The following SORL1 variants were observed in gnomAD, a reference collection of about 807,000 sequenced individuals.
SORL1 encodes sortilin related receptor 1.
A neutral mutation model predicts 273.7 loss-of-function variants in SORL1; 127 were observed. That is an observed-to-expected ratio of 0.46 (90% CI 0.40 to 0.54). The LOEUF is 0.54. Ranked by LOEUF, SORL1 falls within the 20% of genes least tolerant of loss-of-function variation. The pLI is 0.00. For synonymous variants in SORL1, 1,031 were observed against 1,067.4 expected, an observed-to-expected ratio of 0.97 and a Z score of 0.66; for missense variants, 2,494 against 2,846.1, an observed-to-expected ratio of 0.88 and a Z score of 2.81.
At chr11:121,477,228 A>G (rs1385154287) in intron 2 of SORL1, among the ~76,000 whole-genome samples, 5 of 152,230 alleles carry the variant, frequency 3.3e-5, no homozygotes. Context: ...TCTCACAGGT[A>G]GGTACATCTC....
intron 11 of SORL1, among the ~76,000 whole-genome samples, chr11:121,531,720 G>T (rs1432109629): frequency 6.6e-6 from 1 of 152,170 alleles, no homozygotes. Context: ...TTTCATGCAC[G>T]TACACTTCAG....
At position 121,614,975 on chromosome 11, in the gene SORL1, C is replaced by T. The variant is rs755862038; in HGVS notation, c.5524C>T (p.Arg1842Cys). Reference protein sequence around the residue: ...AFEHVMTRGVRPPAPSLKAKA... With the variant: ...AFEHVMTRGVCPPAPSLKAKA... ...TGAGCATGTTATGACCAGAGGGGTT[C>T]GCCCACCTGCACCTAGCCTCAAGGC... is the stretch of plus-strand genomic sequence containing the variant. Residue 1842 changes from arginine (R) to cysteine (C), a missense_variant, in exon 41 of 48, where the codon CGC (arginine) becomes TGC (cysteine). Arg to Cys is a radical substitution (Grantham distance 180). Coordinates refer to ENST00000260197, the MANE Select transcript of SORL1 (RefSeq NM_003105.6). 17 of 1,613,526 alleles carry T rather than the reference C, an allele frequency of 1.1e-5. No individual in the cohort carries two copies. The highest frequency in any genetic ancestry group is 6.7e-5 in the East Asian group (3 of 44,868).
intron 4 of SORL1, among the ~76,000 whole-genome samples, chr11:121,488,800 A>G (rs1403780602): frequency 6.6e-6 from 1 of 152,250 alleles, no homozygotes; most frequent in African/African-American, 2.4e-5. Context: ...TTAGTTTGGC[A>G]AAAATCTGTG....
At chr11:121,501,707 A>C (rs1250768369) in intron 6 of SORL1, among the ~76,000 whole-genome samples, 1 of 152,144 alleles carries the variant, frequency 6.6e-6, no homozygotes, top group African/African-American at 2.4e-5. Context: ...CATTATCATG[A>C]GAACAGCACA....
intron 5 of SORL1, among the ~76,000 whole-genome samples, chr11:121,494,883 A>C (rs1861605105): frequency 6.6e-6 from 1 of 152,184 alleles, no homozygotes; most frequent in South Asian, 2.1e-4. Context: ...CTCTGGCTAG[A>C]GGAAGTACTT....
At chr11:121,503,936 G>A (rs1471270045) in intron 6 of SORL1, among the ~76,000 whole-genome samples, 2 of 152,212 alleles carry the variant, frequency 1.3e-5, no homozygotes, top group African/African-American at 4.8e-5. Flanking sequence ...AAAAACCACA[G>A]ATAGGATTTT....
chr11:121,466,996 T>C (rs554204925), intron 1 of SORL1, among the ~76,000 whole-genome samples: 20 of 151,868 alleles, frequency 1.3e-4, no homozygotes, highest in Middle Eastern at 6.9e-3. Context: ...ACAGGTGTTT[T>C]ACCAGGCTTG....
chr11:121,519,438 C>T lies in SORL1; in HGVS notation c.1212-1219C>T, dbSNP rs369558402. Among the ~76,000 whole-genome samples, 22 of 151,380 alleles carry T rather than the reference C, an allele frequency of 1.5e-4. No individual in the cohort carries two copies. In the East Asian group the frequency reaches 2.0e-3, roughly 13 times the overall value. On this transcript the variant is annotated intron_variant, in intron 8 of 47. Coordinates refer to ENST00000260197, the MANE Select transcript of SORL1 (RefSeq NM_003105.6). ...TTTTTTTTTTTTTGAGACGGAGTCTCGCTCTGTCGCCCAGGCTGGTTGGAG... is the reference window on the plus strand; with the variant it reads ...TTTTTTTTTTTTTGAGACGGAGTCTTGCTCTGTCGCCCAGGCTGGTTGGAG...
At chr11:121,456,111 CTG>C (rs1367788901) in intron 1 of SORL1, among the ~76,000 whole-genome samples, 1 of 152,116 alleles carries the variant, frequency 6.6e-6, no homozygotes, top group Non-Finnish European at 1.5e-5. Context: ...CTCATAAGCT[CTG>C]TCTGTCTGCG....
At chr11:121,619,014 G>T in intron 42 of SORL1, 121 bp downstream of exon 42, 2 of 994,716 alleles carry the variant, frequency 2.0e-6, no homozygotes, top group Non-Finnish European at 3.0e-6. Context: ...GTGACGAGAG[G>T]CAACTTCCTC....
chr11:121,571,480 A>G (rs1790213), intron 23 of SORL1, among the ~76,000 whole-genome samples: 68,790 of 152,188 alleles, frequency 0.45, 18,439 homozygotes, highest in Non-Finnish European at 0.61. Context: ...AGTGGGCAGA[A>G]TGCGTTTGAT....
chr11:121,597,226 G>A (rs1863308488), intron 32 of SORL1, among the ~76,000 whole-genome samples: 1 of 152,238 alleles, frequency 6.6e-6, no homozygotes, highest in African/African-American at 2.4e-5. Flanking sequence ...TTCTCTGTCT[G>A]TAGCGTTGTT....
At chr11:121,537,037 C>A (rs1331098829) in intron 12 of SORL1, among the ~76,000 whole-genome samples, 1 of 152,088 alleles carries the variant, frequency 6.6e-6, no homozygotes, top group African/African-American at 2.4e-5. Flanking sequence ...TAAAAGGATA[C>A]AAAGCAAGGT....
Position 121,520,512 on chromosome 11 carries a change from A to G in SORL1, c.1212-145A>G, listed in dbSNP as rs146561213. On this transcript the variant is annotated intron_variant, in intron 8 of 47. Coordinates refer to ENST00000260197, the MANE Select transcript of SORL1 (RefSeq NM_003105.6). The stretch of plus-strand genomic sequence containing the variant: ...TTTTGGAATGATGAAATGTTCTGGA[A>G]CTAGATAGTAATGATAGTTGCACAA... 4 of 528,502 alleles carry G rather than the reference A, an allele frequency of 7.6e-6. No homozygotes were observed. In the African/African-American group the frequency reaches 7.8e-5, roughly 10 times the overall value. 32.7% of individuals were successfully genotyped at this position (528,502 alleles called of 1,614,324 possible).
chr11:121,545,605 T>A (rs987380468), intron 14 of SORL1, among the ~76,000 whole-genome samples, 176 bp downstream of exon 14: 4 of 152,192 alleles, frequency 2.6e-5, no homozygotes, highest in Non-Finnish European at 5.9e-5. Flanking sequence ...TTCATGTAAG[T>A]TGTTTTCTTT....
intron 11 of SORL1, among the ~76,000 whole-genome samples, chr11:121,527,847 G>C (rs932478930): frequency 6.6e-6 from 1 of 152,008 alleles, no homozygotes; most frequent in African/African-American, 2.4e-5. Flanking sequence ...GGTGATATGT[G>C]TATTTTCTCT....
At chr11:121,540,308 C>G (rs2134881785) in intron 12 of SORL1, among the ~76,000 whole-genome samples, 1 of 152,004 alleles carries the variant, frequency 6.6e-6, no homozygotes, top group Admixed American at 6.6e-5. Context: ...GGGATTATGT[C>G]TATATTTTTA....
Position 121,595,551 on chromosome 11 carries a change from T to C in SORL1, c.4370-72T>C. 1 of 1,325,246 alleles carries C rather than the reference T, an allele frequency of 7.5e-7. No individual in the cohort carries two copies. The highest frequency in any genetic ancestry group is 1.0e-6 in the Non-Finnish European group (1 of 954,384). 82.1% of individuals were successfully genotyped at this position (1,325,246 alleles called of 1,614,324 possible). On this transcript the variant is annotated intron_variant, in intron 31 of 47. Transcript: ENST00000260197. This position sits in a 1 kb window ranked among gnomAD's most constrained non-coding sequence, Gnocchi z 5.1. ...TCTAAAGCACCGTAATCTCCTAGCA[T>C]ATTGATTGGTTGCTGTTATTGGCCA... is the stretch of plus-strand genomic sequence containing the variant.
Position 121,545,355 on chromosome 11 carries a change from A to G in SORL1, c.1977A>G (p.Thr659=), listed in dbSNP as rs143270294. The part of the protein sequence containing the change: ...TVFKRRTPHA[T]CFNGEDFDRP... ...TCAAACGGCGGACCCCCCATGCCAC[A>G]TGCTTCAATGGAGAGGACTTTGACA... is the stretch of plus-strand genomic sequence containing the variant. The change falls in exon 14 of 48, where the codon ACA becomes ACG. Residue 659 remains threonine (T), a synonymous_variant. Transcript: ENST00000260197. The G allele has an allele frequency of 4.7e-5, 76 of 1,614,190 alleles. No homozygotes were observed. In the African/African-American group the frequency reaches 8.9e-4, roughly 19 times the overall value.
Sources: gnomAD v4.1 joint callset for allele counts (sites outside exome capture counted in the v4.1 genomes callset) on GRCh38, gnomAD v4.1.1 for gene constraint, Gnocchi (gnomAD v3.1) non-coding constraint, MANE v1.5 for transcripts, NCBI Gene and HGNC (gene_info 2026-07-23, HGNC 2026-07-21) for gene names.